CDH13: variants seen among roughly 807,000 people sequenced by gnomAD.
The protein encoded by CDH13 is cadherin 13.
A neutral mutation model predicts 63.8 loss-of-function variants in CDH13; 24 were observed. That is an observed-to-expected ratio of 0.38 (90% CI 0.27 to 0.53). The LOEUF (loss-of-function observed/expected upper bound fraction) is 0.53. Among genes scored for constraint, CDH13 ranks in the 20% least tolerant of loss-of-function variants. CDH13 has a pLI of 0.85. For missense variants in CDH13, 1,049 were observed against 903.1 expected (o/e 1.16, Z -2.07); for synonymous variants, 503 against 355.3 (o/e 1.42, Z -4.67).
rs147014938 is a variant in CDH13, at chr16:83,263,572, A to C, written c.636+46075A>C. 6.0e-4 allele frequency among the ~76,000 whole-genome samples: 91 copies of C among 152,338 alleles called. 1 individual carries two copies. In the East Asian group the frequency reaches 0.014, roughly 24 times the overall value. On this transcript the variant is annotated intron_variant, in intron 5 of 13. Coordinates refer to ENST00000567109, the MANE Select transcript of CDH13 (RefSeq NM_001257.5). ...CGCCCACTGAATGGTTTGATATAAA[A>C]AAAACAAAACAAAACAAAACTTAAA...
chr16:83,042,889 G>T (rs1483350924), intron 3 of CDH13, among the ~76,000 whole-genome samples: 1 of 152,216 alleles, frequency 6.6e-6, no homozygotes, highest in Non-Finnish European at 1.5e-5. Context: ...GAAATGATGA[G>T]TTAAAGATGT....
intron 2 of CDH13, among the ~76,000 whole-genome samples, chr16:82,883,672 G>C (rs1173209179): frequency 1.3e-5 from 2 of 152,146 alleles, no homozygotes; most frequent in East Asian, 3.9e-4. Context: ...TTTGCATCTT[G>C]CTCACAGAGC....
chr16:83,657,616 G>A (rs1340630890), intron 8 of CDH13, among the ~76,000 whole-genome samples: 1 of 152,184 alleles, frequency 6.6e-6, no homozygotes, highest in Non-Finnish European at 1.5e-5. Context: ...GCTGTGGGCT[G>A]GGGATATGGA....
chr16:83,593,010 G>A (rs12598036), intron 7 of CDH13, among the ~76,000 whole-genome samples: 66,084 of 151,990 alleles, frequency 0.43, 15,680 homozygotes, highest in South Asian at 0.53. Context: ...TATTCCCAGT[G>A]TTATGTGGCC....
chr16:83,427,740 T>C (rs973248239), intron 6 of CDH13, among the ~76,000 whole-genome samples: 5 of 152,200 alleles, frequency 3.3e-5, no homozygotes, highest in African/African-American at 1.2e-4. Context: ...ACTTATGGTC[T>C]GCTGTCCTGT....
chr16:83,114,304 C>T (rs901829212), intron 3 of CDH13, among the ~76,000 whole-genome samples: 3 of 152,222 alleles, frequency 2.0e-5, no homozygotes, highest in South Asian at 2.1e-4. Flanking sequence ...ATGTTGCTGG[C>T]GGTCCCTACT....
chr16:83,680,008 T>G (rs1915276297), intron 10 of CDH13, among the ~76,000 whole-genome samples: 1 of 152,154 alleles, frequency 6.6e-6, no homozygotes, highest in Non-Finnish European at 1.5e-5. Context: ...AAGGTCAGGC[T>G]GGGTTGTTTG....
intron 1 of CDH13, among the ~76,000 whole-genome samples, chr16:82,697,240 G>A (rs145119102): frequency 9.1e-4 from 139 of 152,136 alleles, no homozygotes; most frequent in African/African-American, 3.2e-3. Flanking sequence ...CAAAGAAGGC[G>A]TTGTATATTC....
chr16:82,809,698 G>C (rs1190092771), intron 1 of CDH13, among the ~76,000 whole-genome samples: 1 of 152,052 alleles, frequency 6.6e-6, no homozygotes, highest in East Asian at 1.9e-4. Flanking sequence ...ATATGTTATG[G>C]TTACCATCTT....
chr16:83,211,855 G>C (rs2039348514), intron 4 of CDH13, among the ~76,000 whole-genome samples: 1 of 151,922 alleles, frequency 6.6e-6, no homozygotes, highest in Non-Finnish European at 1.5e-5. Context: ...TTGACACCAG[G>C]GGCTCATGTT....
intron 3 of CDH13, among the ~76,000 whole-genome samples, chr16:83,117,712 C>T (rs748700764): frequency 6.6e-6 from 1 of 152,106 alleles, no homozygotes; most frequent in Non-Finnish European, 1.5e-5. Context: ...TCTATTCTCT[C>T]GCTCCTTCTC....
chr16:83,578,538 G>T (rs7193753), intron 7 of CDH13, among the ~76,000 whole-genome samples: 61,004 of 151,818 alleles, frequency 0.4, 12,744 homozygotes, highest in Admixed American at 0.52. Flanking sequence ...GGAGAAGCCT[G>T]AGCTGACCCT....
At chr16:83,140,182 G>T (rs72800216) in intron 4 of CDH13, among the ~76,000 whole-genome samples, 24,770 of 152,066 alleles carry the variant, frequency 0.16, 2,151 homozygotes, top group South Asian at 0.22. Context: ...ATTCCAACAA[G>T]CCTCCTGGCA....
intron 7 of CDH13, among the ~76,000 whole-genome samples, chr16:83,493,242 G>T (rs2074059679): frequency 1.3e-5 from 2 of 152,224 alleles, no homozygotes; most frequent in Non-Finnish European, 2.9e-5. Context: ...TGAAGAAGCA[G>T]AAAGAAGTTG....
At chr16:82,916,567 C>G (rs1338304190) in intron 2 of CDH13, among the ~76,000 whole-genome samples, 1 of 137,918 alleles carries the variant, frequency 7.3e-6, no homozygotes, top group African/African-American at 2.6e-5. Context: ...GGGTGAGACT[C>G]TGTCTCAAAA....
intron 4 of CDH13, among the ~76,000 whole-genome samples, chr16:83,206,825 G>A (rs1267990026): frequency 1.3e-5 from 2 of 152,208 alleles, no homozygotes; most frequent in Non-Finnish European, 2.9e-5. Flanking sequence ...CAAGGACACT[G>A]ACCAGAGTAT....
At chr16:83,068,558 A>G (rs1343884783) in intron 3 of CDH13, among the ~76,000 whole-genome samples, 7 of 152,134 alleles carry the variant, frequency 4.6e-5, no homozygotes, top group African/African-American at 1.2e-4. Context: ...TTTAAACACT[A>G]TGGCCTGACC....
At chr16:82,639,469 A>G in intron 1 of CDH13, 1 of 1,522,864 alleles carries the variant, frequency 6.6e-7, no homozygotes, top group Non-Finnish European at 8.8e-7. Flanking sequence ...CATGCAGGTA[A>G]ATTTGCCTGC....
intron 5 of CDH13, among the ~76,000 whole-genome samples, chr16:83,314,884 G>A (rs754721182): frequency 6.6e-6 from 1 of 152,200 alleles, no homozygotes; most frequent in Non-Finnish European, 1.5e-5. Context: ...TCTTTAGTCA[G>A]TGGTTCCTGT....
Sources: gnomAD v4.1 joint callset for allele counts (sites outside exome capture counted in the v4.1 genomes callset) on GRCh38, gnomAD v4.1.1 for gene constraint, MANE v1.5 for transcripts, NCBI Gene and HGNC (gene_info 2026-07-23, HGNC 2026-07-21) for gene names.